The following NDUFAF2 variants were observed in gnomAD, a reference collection of about 807,000 sequenced individuals.
NDUFAF2 encodes NADH dehydrogenase [ubiquinone] 1 alpha subcomplex assembly factor 2.
Under a neutral mutation model 22.8 loss-of-function variants are expected in NDUFAF2, and 13 were observed. The observed-to-expected ratio is 0.57, with a 90% CI of 0.37 to 0.91. The LOEUF (loss-of-function observed/expected upper bound fraction) is 0.91. Ranked by LOEUF, NDUFAF2 falls within the 40% of genes least tolerant of loss-of-function variation. The pLI is 0.01. For missense variants in NDUFAF2, 162 were observed against 195.2 expected, an observed-to-expected ratio of 0.83 and a Z score of 1.01; for synonymous variants, 53 against 64.2, an observed-to-expected ratio of 0.83 and a Z score of 0.84.
At chr5:61,053,972 G>A (rs1018129657) in intron 1 of NDUFAF2, among the ~76,000 whole-genome samples, 1 of 152,038 alleles carries the variant, frequency 6.6e-6, no homozygotes, top group Non-Finnish European at 1.5e-5. Flanking sequence ...AACATATGAG[G>A]TGGTAGGATC....
Position 60,945,247 on chromosome 5 carries a change from G to A in NDUFAF2, c.-9G>A. 2.5e-6 allele frequency: 4 copies of A among 1,612,482 alleles called. No homozygotes were observed. The highest frequency in any genetic ancestry group is 3.4e-6 in the Non-Finnish European group (4 of 1,179,734). On this transcript the variant is annotated 5_prime_UTR_variant, in exon 1 of 4. The change creates a new upstream start codon in the 5' untranslated region. Coordinates refer to ENST00000296597, the MANE Select transcript of NDUFAF2 (RefSeq NM_174889.5). ...CGCTGCTGGCAGCGCTGGAAACTGG[G>A]TGGACGGCATGGGTTGGTCTCAGGA...
At chr5:61,062,729 C>T (rs942244548) in intron 1 of NDUFAF2, among the ~76,000 whole-genome samples, 1 of 151,998 alleles carries the variant, frequency 6.6e-6, no homozygotes, top group African/African-American at 2.4e-5. Flanking sequence ...ATAGATTGAA[C>T]CCAAAGAGCT....
intron 1 of NDUFAF2, among the ~76,000 whole-genome samples, chr5:60,987,023 T>C (rs1751091129): frequency 6.7e-6 from 1 of 149,244 alleles, no homozygotes; most frequent in South Asian, 2.1e-4. Context: ...ATTAATAATA[T>C]AGACTGTTAA....
chr5:61,113,243 T>C (rs1752867971), intron 3 of NDUFAF2, among the ~76,000 whole-genome samples: 1 of 152,218 alleles, frequency 6.6e-6, no homozygotes, highest in Admixed American at 6.5e-5. Context: ...TTACTATTAC[T>C]AGTGAGTTTG....
At chr5:61,063,697 T>C (rs1053412501) in intron 1 of NDUFAF2, among the ~76,000 whole-genome samples, 2 of 152,160 alleles carry the variant, frequency 1.3e-5, no homozygotes, top group African/African-American at 4.8e-5. Context: ...AAATATGTTA[T>C]TTAAGCTTCA....
intron 1 of NDUFAF2, among the ~76,000 whole-genome samples, chr5:60,949,965 T>C (rs143955144): frequency 9.2e-5 from 14 of 152,330 alleles, no homozygotes; most frequent in African/African-American, 3.4e-4. Flanking sequence ...TACTAGTTCT[T>C]GAATGAAGCC....
At chr5:60,990,743 G>T (rs1205107807) in intron 1 of NDUFAF2, among the ~76,000 whole-genome samples, 1 of 152,096 alleles carries the variant, frequency 6.6e-6, no homozygotes, top group Admixed American at 6.6e-5. Context: ...TTTTATTTCA[G>T]AAATCACGTA....
intron 3 of NDUFAF2, among the ~76,000 whole-genome samples, chr5:61,139,492 C>G (rs1380591438): frequency 2.0e-5 from 3 of 152,172 alleles, no homozygotes; most frequent in African/African-American, 4.8e-5. Flanking sequence ...TTTCAGTGTT[C>G]TGAAGTTTGG....
At chr5:61,044,606 T>C (rs1751923651) in intron 1 of NDUFAF2, among the ~76,000 whole-genome samples, 1 of 152,224 alleles carries the variant, frequency 6.6e-6, no homozygotes, top group South Asian at 2.1e-4. Context: ...TGTGGATTTT[T>C]GGCATCTTTG....
chr5:60,965,328 A>T (rs1376841852), intron 1 of NDUFAF2, among the ~76,000 whole-genome samples: 1 of 151,978 alleles, frequency 6.6e-6, no homozygotes, highest in Non-Finnish European at 1.5e-5. Context: ...GAAATGATTA[A>T]ATCAAGCTGA....
rs1741265705 is a variant in NDUFAF2, at chr5:61,152,875, T to C, written c.430T>C (p.Ser144Pro). ...SAPYFGKEEP[S>P]VAPSSTGKTF... ...TCCATACTTTGGAAAGGAAGAACCC[T>C]CAGTGGCTCCCAGCAGCACTGGTAA... is the stretch of plus-strand genomic sequence containing the variant. The change falls in exon 4 of 4, where the codon TCA (serine) becomes CCA (proline). Residue 144 changes from serine to proline, a missense_variant. Transcript: ENST00000296597. The C allele has an allele frequency of 6.2e-7, 1 of 1,611,516 alleles. No homozygotes were observed. The highest frequency in any genetic ancestry group is 1.7e-4 in the Middle Eastern group (1 of 6,056).
intron 1 of NDUFAF2, among the ~76,000 whole-genome samples, chr5:61,053,906 A>G: frequency 6.6e-6 from 1 of 152,208 alleles, no homozygotes; most frequent in South Asian, 2.1e-4. Context: ...GAAATAGTAG[A>G]AAAAACAACT....
chr5:61,136,514 C>G (rs1740950505), intron 3 of NDUFAF2, among the ~76,000 whole-genome samples: 1 of 152,080 alleles, frequency 6.6e-6, no homozygotes, highest in Non-Finnish European at 1.5e-5. Context: ...CAATTCTAAC[C>G]CCACCTGCAT....
intron 1 of NDUFAF2, among the ~76,000 whole-genome samples, chr5:61,009,586 C>A (rs907993638): frequency 1.3e-5 from 2 of 152,096 alleles, no homozygotes; most frequent in East Asian, 3.8e-4. Flanking sequence ...AAAACAGAAT[C>A]TTTGAGAAGT....
intron 1 of NDUFAF2, among the ~76,000 whole-genome samples, chr5:61,011,381 A>C (rs1483625574): frequency 1.3e-5 from 2 of 152,106 alleles, no homozygotes; most frequent in Non-Finnish European, 2.9e-5. Context: ...TTAGTGATAC[A>C]AATAAATAAA....
intron 1 of NDUFAF2, among the ~76,000 whole-genome samples, chr5:60,984,965 A>T (rs1464232168): frequency 6.6e-6 from 1 of 152,174 alleles, no homozygotes; most frequent in African/African-American, 2.4e-5. Context: ...TTTCAGAGGA[A>T]ATGGTACCAG....
chr5:60,971,811 C>T (rs1256310487), intron 1 of NDUFAF2, among the ~76,000 whole-genome samples: 1 of 152,068 alleles, frequency 6.6e-6, no homozygotes, highest in African/African-American at 2.4e-5. Context: ...TTTATGGCTG[C>T]ATAGTATTCC....
intron 1 of NDUFAF2, among the ~76,000 whole-genome samples, chr5:61,058,649 A>G (rs1752128276): frequency 6.6e-6 from 1 of 151,972 alleles, no homozygotes; most frequent in Non-Finnish European, 1.5e-5. Context: ...TCATGTTATA[A>G]TTTAGATATA....
At chr5:60,987,042 A>T (rs977921096) in intron 1 of NDUFAF2, among the ~76,000 whole-genome samples, 6 of 152,128 alleles carry the variant, frequency 3.9e-5, no homozygotes, top group Non-Finnish European at 8.8e-5. Context: ...AAGTACACAA[A>T]GAAGAAAAGA....
Sources: allele counts gnomAD v4.1 joint callset (sites outside exome capture counted in the v4.1 genomes callset), GRCh38; gene constraint gnomAD v4.1.1; transcripts MANE v1.5; gene names NCBI Gene and HGNC (gene_info 2026-07-23, HGNC 2026-07-21).